The following NREP variants were observed in gnomAD, a reference collection of about 807,000 sequenced individuals.
NREP encodes the protein neuronal regeneration-related protein.
NREP carries 5 observed loss-of-function variants against 8.6 expected under a neutral mutation model. The observed-to-expected ratio is 0.58, with a 90% CI of 0.30 to 1.22. NREP has a LOEUF of 1.22. Ranked by LOEUF, NREP falls within the 50% of genes most tolerant of loss-of-function variation. The pLI, the probability that NREP is intolerant of heterozygous loss-of-function variation, is 0.07. For missense variants in NREP, 86 were observed against 82.5 expected, an observed-to-expected ratio of 1.04 and a Z score of -0.17; for synonymous variants, 27 against 28.0, an observed-to-expected ratio of 0.96 and a Z score of 0.11.
intron 2 of NREP, among the ~76,000 whole-genome samples, chr5:111,904,394 T>A (rs985167869): frequency 6.6e-6 from 1 of 152,152 alleles, no homozygotes; most frequent in Non-Finnish European, 1.5e-5. Context: ...AACTGTCAAG[T>A]ACTTCACCCA....
At chr5:111,746,043 T>C (rs1749982207) in intron 2 of NREP, among the ~76,000 whole-genome samples, 1 of 152,254 alleles carries the variant, frequency 6.6e-6, no homozygotes, top group Admixed American at 6.5e-5. Flanking sequence ...CAGTCAAAGA[T>C]GTAGTGACCC....
At chr5:111,902,755 G>C (rs909997067) in intron 2 of NREP, among the ~76,000 whole-genome samples, 6 of 152,138 alleles carry the variant, frequency 3.9e-5, no homozygotes, top group Admixed American at 6.6e-5. Flanking sequence ...CTTCCACCAT[G>C]ACAATGTTCC....
chr5:111,795,703 G>A (rs1751858367), intron 2 of NREP, among the ~76,000 whole-genome samples: 1 of 152,020 alleles, frequency 6.6e-6, no homozygotes, highest in South Asian at 2.1e-4. Context: ...AATTGTTTTC[G>A]TAAAAGTTAG....
intron 2 of NREP, among the ~76,000 whole-genome samples, chr5:111,777,011 A>G (rs201043864): frequency 1.4e-5 from 1 of 71,848 alleles, no homozygotes; most frequent in South Asian, 7.0e-4. Context: ...AGGAGGAAGG[A>G]GGTGGAGGAG....
chr5:111,963,102 C>T (rs1424377788), intron 2 of NREP, among the ~76,000 whole-genome samples: 1 of 152,256 alleles, frequency 6.6e-6, no homozygotes, highest in Non-Finnish European at 1.5e-5. Context: ...GAGTGGATAA[C>T]ACATGGCTGT....
chr5:111,968,834 C>G (rs1756718571), intron 2 of NREP, among the ~76,000 whole-genome samples: 1 of 152,160 alleles, frequency 6.6e-6, no homozygotes, highest in African/African-American at 2.4e-5. Flanking sequence ...CTGCAGAAGT[C>G]CCCCTGTTGT....
At chr5:111,960,786 A>G (rs1394575270) in intron 2 of NREP, among the ~76,000 whole-genome samples, 4 of 152,158 alleles carry the variant, frequency 2.6e-5, no homozygotes, top group Non-Finnish European at 5.9e-5. Context: ...AGACGTCTAT[A>G]TATTGTCTAA....
At chr5:111,809,255 T>A (rs1285959945) in intron 2 of NREP, among the ~76,000 whole-genome samples, 1 of 152,224 alleles carries the variant, frequency 6.6e-6, no homozygotes, top group Non-Finnish European at 1.5e-5. Flanking sequence ...AACCATATGT[T>A]CATTTGTGAG....
intron 1 of NREP, among the ~76,000 whole-genome samples, chr5:111,975,981 T>C (rs1018060419): frequency 1.2e-4 from 19 of 152,290 alleles, no homozygotes; most frequent in Admixed American, 1.1e-3. Context: ...CATATCTAAT[T>C]CTTTTACAAA....
chr5:111,964,677 C>T (rs1756582107), intron 2 of NREP, among the ~76,000 whole-genome samples: 1 of 151,870 alleles, frequency 6.6e-6, no homozygotes, highest in Admixed American at 6.6e-5. Context: ...GCCTATTCTA[C>T]TGTTGATAGA....
At chr5:111,772,248 A>G (rs1050363075) in intron 2 of NREP, among the ~76,000 whole-genome samples, 10 of 152,168 alleles carry the variant, frequency 6.6e-5, no homozygotes, top group African/African-American at 2.4e-4. Flanking sequence ...CAATCACAGT[A>G]TATTTGGCCA....
At chr5:111,799,548 T>C (rs570136920) in intron 2 of NREP, among the ~76,000 whole-genome samples, 127 of 152,354 alleles carry the variant, frequency 8.3e-4, no homozygotes, top group Middle Eastern at 3.4e-3. Context: ...TCTCCCTTTT[T>C]TGTATTCTTG....
chr5:111,758,180 C>G (rs571137015), upstream of NREP: 1,253 of 985,588 alleles, frequency 1.3e-3, 33 homozygotes, highest in South Asian at 0.052. Context: ...GCGGGGAGCG[C>G]CCCTGAAGGC....
intron 2 of NREP, among the ~76,000 whole-genome samples, chr5:111,968,407 A>G (rs1291973250): frequency 6.6e-6 from 1 of 152,212 alleles, no homozygotes; most frequent in African/African-American, 2.4e-5. Context: ...GGACATGTTT[A>G]GTTTGAATAA....
chr5:111,952,881 A>G (rs1756203275), intron 2 of NREP, among the ~76,000 whole-genome samples: 1 of 152,146 alleles, frequency 6.6e-6, no homozygotes, highest in Non-Finnish European at 1.5e-5. Flanking sequence ...ATTAGAGAGT[A>G]GGAATGGGAA....
At chr5:111,865,496 T>C (rs1198583537) in intron 2 of NREP, among the ~76,000 whole-genome samples, 1 of 152,162 alleles carries the variant, frequency 6.6e-6, no homozygotes, top group Non-Finnish European at 1.5e-5. Context: ...CACTGAGAGC[T>C]TGACCATATT....
intron 2 of NREP, among the ~76,000 whole-genome samples, chr5:111,827,130 T>C (rs1445131134): frequency 6.6e-6 from 1 of 152,214 alleles, no homozygotes; most frequent in Non-Finnish European, 1.5e-5. Context: ...GGCTTTCCCA[T>C]GTCCAGTGGG....
chr5:111,811,633 T>C (rs1403198025), intron 2 of NREP, among the ~76,000 whole-genome samples: 2 of 152,336 alleles, frequency 1.3e-5, no homozygotes, highest in East Asian at 3.9e-4. Flanking sequence ...CACAGGGTTT[T>C]GGAAGTATTC....
At chr5:111,799,525 TTC>T (rs975859834) in intron 2 of NREP, among the ~76,000 whole-genome samples, 226 of 152,360 alleles carry the variant, frequency 1.5e-3, no homozygotes, top group African/African-American at 5.3e-3. Flanking sequence ...TTCCTTCAAA[TTC>T]TCTTTTGTTT....
Sources: allele counts gnomAD v4.1 joint callset (sites outside exome capture counted in the v4.1 genomes callset), GRCh38; gene constraint gnomAD v4.1.1; transcripts MANE v1.5; gene names NCBI Gene and HGNC (gene_info 2026-07-23, HGNC 2026-07-21).